The following TMEM132D variants were observed in gnomAD, a reference collection of about 807,000 sequenced individuals.
TMEM132D encodes the protein transmembrane protein 132D.
Under a neutral mutation model 62.3 loss-of-function variants are expected in TMEM132D, and 21 were observed. The ratio of observed to expected loss-of-function variants is 0.34; its 90% confidence interval spans 0.24 to 0.49. The LOEUF is 0.49. TMEM132D is among the 20% of genes least tolerant of loss of function. The pLI, the probability that TMEM132D is intolerant of heterozygous loss-of-function variation, is 0.99. For missense variants in TMEM132D, 1,346 were observed against 1,402.8 expected, an observed-to-expected ratio of 0.96 and a Z score of 0.65; for synonymous variants, 621 against 575.6, an observed-to-expected ratio of 1.08 and a Z score of -1.13.
intron 4 of TMEM132D, among the ~76,000 whole-genome samples, chr12:129,296,957 T>A (rs532625837): frequency 6.6e-6 from 1 of 152,230 alleles, no homozygotes; most frequent in African/African-American, 2.4e-5. Flanking sequence ...TGGGGAGGAA[T>A]TTATCAACCA....
At chr12:129,476,129 C>T (rs1425798844) in intron 3 of TMEM132D, among the ~76,000 whole-genome samples, 2 of 152,166 alleles carry the variant, frequency 1.3e-5, no homozygotes, top group African/African-American at 2.4e-5. Flanking sequence ...TCTGTCTGCT[C>T]ATACCAGTTG....
At chr12:129,692,696 A>C (rs1593122364) in intron 2 of TMEM132D, among the ~76,000 whole-genome samples, 1 of 152,220 alleles carries the variant, frequency 6.6e-6, no homozygotes, top group Non-Finnish European at 1.5e-5. Context: ...TATCCTTTGC[A>C]GGGGCATGGA....
At chr12:129,385,820 T>C (rs1191147202) in intron 3 of TMEM132D, among the ~76,000 whole-genome samples, 3 of 152,210 alleles carry the variant, frequency 2.0e-5, no homozygotes, top group African/African-American at 4.8e-5. Flanking sequence ...GCCAAACCCC[T>C]GGTGCATACT....
intron 5 of TMEM132D, among the ~76,000 whole-genome samples, chr12:129,159,527 T>C (rs1340443906): frequency 6.6e-6 from 1 of 151,976 alleles, no homozygotes; most frequent in Non-Finnish European, 1.5e-5. Context: ...GAGGCTGAGG[T>C]GGGCAGATCA....
chr12:129,231,480 C>T (rs1294290110), intron 4 of TMEM132D, among the ~76,000 whole-genome samples: 1 of 152,196 alleles, frequency 6.6e-6, no homozygotes, highest in Non-Finnish European at 1.5e-5. Context: ...TTACAGCAGT[C>T]AAACGTCATC....
rs186783076 is a variant in TMEM132D, at chr12:129,395,287, G to A, written c.1116-57470C>T. Among the ~76,000 whole-genome samples, 573 of 152,226 alleles carry A rather than the reference G, an allele frequency of 3.8e-3. 3 individuals are homozygous for A. Among genetic ancestry groups the A allele is most frequent in the African/African-American group, 0.013 (542 of 41,534 alleles). ...GTTTTTGAATTGGTAAAGCCACTTT[G>A]GAGAGCAATTTGTCAGTATTTGATA... On this transcript the variant is annotated intron_variant, in intron 3 of 8. Transcript: ENST00000422113.
chr12:129,168,226 T>A (rs1386216), intron 5 of TMEM132D, among the ~76,000 whole-genome samples: 6 of 152,002 alleles, frequency 3.9e-5, no homozygotes, highest in African/African-American at 1.4e-4. Flanking sequence ...CTATTTGGGC[T>A]CCTCAATCCA....
At chr12:129,844,244 C>T (rs1873287812) in intron 1 of TMEM132D, among the ~76,000 whole-genome samples, 1 of 152,160 alleles carries the variant, frequency 6.6e-6, no homozygotes, top group African/African-American at 2.4e-5. Context: ...CATACAATAA[C>T]TTATGCCAAT....
chr12:129,358,354 G>A (rs746931266), intron 3 of TMEM132D, among the ~76,000 whole-genome samples: 11 of 152,176 alleles, frequency 7.2e-5, no homozygotes, highest in South Asian at 2.1e-4. Context: ...ATAGGTTAAA[G>A]ATGAGCTAAA....
intron 5 of TMEM132D, among the ~76,000 whole-genome samples, chr12:129,106,719 C>T (rs948038215): frequency 3.9e-5 from 6 of 152,078 alleles, no homozygotes; most frequent in Non-Finnish European, 5.9e-5. Flanking sequence ...GGTCGTGTGG[C>T]GTGCTCTGGC....
At chr12:129,434,479 C>G (rs1317214450) in intron 3 of TMEM132D, among the ~76,000 whole-genome samples, 1 of 152,006 alleles carries the variant, frequency 6.6e-6, no homozygotes, top group African/African-American at 2.4e-5. Flanking sequence ...ACAAGTTGTT[C>G]TACATAAAAT....
chr12:129,234,659 G>A (rs557793073), intron 4 of TMEM132D, among the ~76,000 whole-genome samples: 11 of 152,086 alleles, frequency 7.2e-5, no homozygotes, highest in Non-Finnish European at 1.2e-4. Flanking sequence ...TCTAAATCTC[G>A]TTAAAATATG....
intron 1 of TMEM132D, among the ~76,000 whole-genome samples, chr12:129,770,963 G>C (rs759454560): frequency 8.5e-5 from 13 of 152,148 alleles, no homozygotes; most frequent in Non-Finnish European, 1.9e-4. Flanking sequence ...TTAAATACTC[G>C]TATCTCACTG....
chr12:129,637,458 G>A (rs1879512702), intron 2 of TMEM132D, among the ~76,000 whole-genome samples: 1 of 152,068 alleles, frequency 6.6e-6, no homozygotes, highest in African/African-American at 2.4e-5. Context: ...CTCACAAATG[G>A]TTTACTACCA....
intron 2 of TMEM132D, among the ~76,000 whole-genome samples, chr12:129,632,849 C>T (rs1729972639): frequency 6.6e-6 from 1 of 152,208 alleles, no homozygotes; most frequent in African/African-American, 2.4e-5. Flanking sequence ...TTTGTCATCA[C>T]TTGGGTGCCA....
chr12:129,119,235 A>T (rs1479166953), intron 5 of TMEM132D, among the ~76,000 whole-genome samples: 2 of 152,242 alleles, frequency 1.3e-5, no homozygotes, highest in Non-Finnish European at 2.9e-5. Context: ...ATTTAGGAGT[A>T]CACGTAGATA....
chr12:129,229,677 A>C (rs1160051445), intron 4 of TMEM132D, among the ~76,000 whole-genome samples: 3 of 152,258 alleles, frequency 2.0e-5, no homozygotes, highest in Non-Finnish European at 4.4e-5. Context: ...GATAAACATC[A>C]AAGAGCTGCT....
chr12:129,839,117 A>ATTTTTTTTTTTTTTTTTTTTTTT lies in TMEM132D; in HGVS notation c.79+64121_79+64143dup. Among the ~76,000 whole-genome samples, 26 of 20,710 alleles carry ATTTTTTTTTTTTTTTTTTTTTTT rather than the reference A, an allele frequency of 1.3e-3. 9 individuals carry two copies. The highest frequency in any genetic ancestry group is 6.9e-3 in the South Asian group (2 of 290). The allele number at this position is 20,710 out of a possible 152,430, so 13.6% of individuals were successfully genotyped here. On this transcript the variant is annotated intron_variant, in intron 1 of 8. Coordinates refer to ENST00000422113, the MANE Select transcript of TMEM132D (RefSeq NM_133448.3). ...AGGCGTCCACCACCACGCCTGGCTA[A>ATTTTTTTTTTTTTTTTTTTTTTT]TTTTTTTTTTTTTTTTTTTTTTTTT...
chr12:129,342,889 C>A (rs1007272222), intron 3 of TMEM132D, among the ~76,000 whole-genome samples: 2 of 152,160 alleles, frequency 1.3e-5, no homozygotes, highest in Non-Finnish European at 2.9e-5. Flanking sequence ...CCATCTCACA[C>A]CAGTTAGAAT....
Sources: allele counts gnomAD v4.1 joint callset (sites outside exome capture counted in the v4.1 genomes callset), GRCh38; gene constraint gnomAD v4.1.1; transcripts MANE v1.5; gene names NCBI Gene and HGNC (gene_info 2026-07-23, HGNC 2026-07-21).